CA10: variants seen among roughly 807,000 people sequenced by gnomAD.
CA10 encodes carbonic anhydrase-related protein 10.
CA10 carries 14 observed loss-of-function variants against 44.2 expected under a neutral mutation model. The observed-to-expected ratio is 0.32, with a 90% confidence interval of 0.21 to 0.50. CA10 has a LOEUF of 0.50. Among genes scored for constraint, CA10 ranks in the 20% least tolerant of loss-of-function variants. The pLI, the probability that CA10 is intolerant of heterozygous loss-of-function variation, is 0.99. For synonymous variants in CA10, 159 were observed against 141.6 expected (o/e 1.12, Z -0.87); for missense variants, 350 against 409.7 (o/e 0.85, Z 1.26).
chr17:51,823,136 G>A (rs754282163), intron 3 of CA10, among the ~76,000 whole-genome samples: 11 of 152,054 alleles, frequency 7.2e-5, no homozygotes, highest in East Asian at 3.9e-4. Context: ...AACAGACATC[G>A]AAAGTCCAGA....
intron 1 of CA10, among the ~76,000 whole-genome samples, chr17:52,085,149 A>C (rs1467503485): frequency 2.0e-5 from 3 of 152,220 alleles, no homozygotes; most frequent in Non-Finnish European, 4.4e-5. Flanking sequence ...ACTTGCCTTC[A>C]ATACCCATGG....
intron 1 of CA10, among the ~76,000 whole-genome samples, chr17:52,132,001 G>A (rs1317463217): frequency 6.6e-6 from 1 of 151,822 alleles, no homozygotes; most frequent in Non-Finnish European, 1.5e-5. Flanking sequence ...CACATTCTGG[G>A]GACTGTTGTG....
At chr17:51,639,921 T>A (rs1001503368) in intron 6 of CA10, among the ~76,000 whole-genome samples, 1 of 152,338 alleles carries the variant, frequency 6.6e-6, no homozygotes, top group Admixed American at 6.5e-5. Flanking sequence ...AACAGGATCA[T>A]GCTTTTCAAG....
At chr17:51,869,675 T>C (rs1471099776) in intron 3 of CA10, among the ~76,000 whole-genome samples, 3 of 152,104 alleles carry the variant, frequency 2.0e-5, no homozygotes, top group African/African-American at 7.2e-5. Context: ...TTTGGGAGGC[T>C]GAGGGGAGAG....
chr17:51,890,348 C>T (rs544226339), intron 3 of CA10, among the ~76,000 whole-genome samples: 2 of 152,222 alleles, frequency 1.3e-5, no homozygotes, highest in East Asian at 1.9e-4. Flanking sequence ...CGTAAATTCT[C>T]GAGTTTAAGA....
intron 2 of CA10, among the ~76,000 whole-genome samples, chr17:52,004,633 CATT>C (rs1016815324): frequency 7.2e-5 from 11 of 151,972 alleles, no homozygotes; most frequent in Non-Finnish European, 1.5e-4. Flanking sequence ...ATGACTTTTG[CATT>C]ATTAGTACAC....
chr17:51,886,825 T>C (rs549391028), intron 3 of CA10, among the ~76,000 whole-genome samples: 2 of 152,322 alleles, frequency 1.3e-5, no homozygotes, highest in Admixed American at 1.3e-4. Flanking sequence ...TGAGCTTGGA[T>C]ATCCATCTTC....
At chr17:51,806,855 T>C (rs2143729846) in intron 3 of CA10, among the ~76,000 whole-genome samples, 1 of 152,344 alleles carries the variant, frequency 6.6e-6, no homozygotes, top group South Asian at 2.1e-4. Flanking sequence ...TGAGCACCTA[T>C]AAGATAACAG....
intron 2 of CA10, among the ~76,000 whole-genome samples, chr17:52,066,900 A>C (rs1194721647): frequency 1.3e-5 from 2 of 152,150 alleles, no homozygotes; most frequent in Non-Finnish European, 2.9e-5. Flanking sequence ...TCAAGATGTG[A>C]CTTGGGTGCT....
At chr17:51,981,373 C>A (rs1432540336) in intron 2 of CA10, among the ~76,000 whole-genome samples, 4 of 151,976 alleles carry the variant, frequency 2.6e-5, no homozygotes, top group Non-Finnish European at 2.9e-5. Flanking sequence ...ACACATGCAA[C>A]ATGCGTGAAT....
At chr17:51,988,629 C>T (rs1185308619) in intron 2 of CA10, among the ~76,000 whole-genome samples, 1 of 151,662 alleles carries the variant, frequency 6.6e-6, no homozygotes, top group Admixed American at 6.6e-5. Flanking sequence ...AGTATTGGGT[C>T]CTTTACTCCT....
chr17:51,981,164 T>A (rs914705658), intron 2 of CA10, among the ~76,000 whole-genome samples: 7 of 152,086 alleles, frequency 4.6e-5, no homozygotes, highest in Non-Finnish European at 8.8e-5. Flanking sequence ...GCCTTTTCAC[T>A]GTTAAATATT....
chr17:51,758,338 C>T (rs960319277), intron 3 of CA10, among the ~76,000 whole-genome samples: 1 of 152,210 alleles, frequency 6.6e-6, no homozygotes, highest in Non-Finnish European at 1.5e-5. Flanking sequence ...TGCTAGGTAG[C>T]ACCATTGCAG....
chr17:51,782,897 G>A (rs1047310017), intron 3 of CA10, among the ~76,000 whole-genome samples: 56 of 152,298 alleles, frequency 3.7e-4, no homozygotes, highest in African/African-American at 1.3e-3. Flanking sequence ...ACAGCCTCCT[G>A]ACCAGCATGT....
chr17:51,887,468 T>C (rs1980658752), intron 3 of CA10, among the ~76,000 whole-genome samples: 1 of 152,288 alleles, frequency 6.6e-6, no homozygotes, highest in Non-Finnish European at 1.5e-5. Flanking sequence ...GAACTAAATG[T>C]AGGCTTCAGA....
intron 4 of CA10, among the ~76,000 whole-genome samples, chr17:51,735,146 G>A (rs1380455267): frequency 1.3e-5 from 2 of 152,146 alleles, no homozygotes; most frequent in African/African-American, 4.8e-5. Context: ...CTGGATTCTT[G>A]TTAGATATGG....
rs926814947 is a variant in CA10, at chr17:51,940,405, G to T, written c.137-9273C>A. Among the ~76,000 whole-genome samples, 4 of 152,066 alleles carry T rather than the reference G, an allele frequency of 2.6e-5. No homozygotes were observed. In the South Asian group the frequency reaches 8.3e-4, roughly 32 times the overall value. ...CAAGCTCCACGGAAATCTGGAGTTA[G>T]GACTAGTGATCCTAGGAACCCTTAA... On this transcript the variant is annotated intron_variant, in intron 2 of 8. Coordinates refer to ENST00000451037, the MANE Select transcript of CA10 (RefSeq NM_020178.5).
chr17:51,786,973 A>T (rs1365813455), intron 3 of CA10, among the ~76,000 whole-genome samples: 15 of 152,170 alleles, frequency 9.9e-5, no homozygotes, highest in Admixed American at 9.8e-4. Flanking sequence ...ATGATGTATT[A>T]TACTGATTGA....
At chr17:51,664,991 C>G (rs1360050785) in intron 4 of CA10, among the ~76,000 whole-genome samples, 2 of 152,126 alleles carry the variant, frequency 1.3e-5, no homozygotes, top group South Asian at 2.1e-4. Flanking sequence ...AGACTGAATC[C>G]TCACACACTG....
Sources: gnomAD v4.1 joint callset for allele counts (sites outside exome capture counted in the v4.1 genomes callset) on GRCh38, gnomAD v4.1.1 for gene constraint, MANE v1.5 for transcripts, NCBI Gene and HGNC (gene_info 2026-07-23, HGNC 2026-07-21) for gene names.